MIR2052HG: variants seen among roughly 807,000 people sequenced by gnomAD.
MIR2052HG encodes the protein MIR2052 host gene.
chr8:74,624,996 C>T (rs13249135), intron 2 of MIR2052HG, among the ~76,000 whole-genome samples: 61,132 of 151,880 alleles, frequency 0.4, 13,260 homozygotes, highest in Middle Eastern at 0.61. Flanking sequence ...CCATATGGAT[C>T]CAGGAGTAAA....
intron 4 of MIR2052HG, among the ~76,000 whole-genome samples, chr8:74,732,871 AG>A (rs1489565725): frequency 6.6e-6 from 1 of 152,068 alleles, no homozygotes; most frequent in Non-Finnish European, 1.5e-5. Flanking sequence ...GGGGTTGAGG[AG>A]GTGGGTGAAG....
chr8:74,636,735 A>G (rs1808585718), intron 2 of MIR2052HG, among the ~76,000 whole-genome samples: 2 of 152,114 alleles, frequency 1.3e-5, no homozygotes, highest in Admixed American at 6.6e-5. Context: ...AGCACATTAA[A>G]TGCCTCTCCC....
intron 4 of MIR2052HG, among the ~76,000 whole-genome samples, chr8:74,704,015 A>G (rs1809383603): frequency 6.6e-6 from 1 of 151,970 alleles, no homozygotes; most frequent in Non-Finnish European, 1.5e-5. Flanking sequence ...TGTAAAAGGG[A>G]TATTTGAGTA....
intron 4 of MIR2052HG, among the ~76,000 whole-genome samples, chr8:74,751,126 G>A (rs565611355): frequency 6.6e-6 from 1 of 152,224 alleles, no homozygotes; most frequent in South Asian, 2.1e-4. Context: ...GGTCGTTTGC[G>A]GTCATGTGCA....
chr8:74,686,295 G>A (rs1030144325), intron 2 of MIR2052HG, among the ~76,000 whole-genome samples: 8 of 151,800 alleles, frequency 5.3e-5, no homozygotes, highest in Middle Eastern at 3.4e-3. Flanking sequence ...TCTTGACATC[G>A]ACTCTTTCTC....
chr8:74,600,987 T>G (rs1807992570), intron 1 of MIR2052HG, among the ~76,000 whole-genome samples: 1 of 152,206 alleles, frequency 6.6e-6, no homozygotes, highest in Admixed American at 6.5e-5. Context: ...CTTTGCTGCT[T>G]TACAAAAAGC....
intron 2 of MIR2052HG, among the ~76,000 whole-genome samples, chr8:74,685,403 C>T (rs1262779910): frequency 6.6e-6 from 1 of 152,046 alleles, no homozygotes; most frequent in Non-Finnish European, 1.5e-5. Context: ...CAGCTGGTTG[C>T]TTTATTTTCA....
chr8:74,606,929 A>G (rs1808119807), intron 1 of MIR2052HG, among the ~76,000 whole-genome samples: 2 of 152,196 alleles, frequency 1.3e-5, no homozygotes, highest in South Asian at 4.1e-4. Flanking sequence ...ATGAAATAAT[A>G]AAAAACCCTC....
chr8:74,626,990 A>G (rs765739569), intron 2 of MIR2052HG, among the ~76,000 whole-genome samples: 8 of 152,214 alleles, frequency 5.3e-5, no homozygotes, highest in Non-Finnish European at 8.8e-5. Flanking sequence ...GCCTTAAAAT[A>G]TTCTACTCTC....
chr8:74,666,473 T>C (rs1287878342), intron 2 of MIR2052HG, among the ~76,000 whole-genome samples: 1 of 152,200 alleles, frequency 6.6e-6, no homozygotes. Context: ...CTTTGTTTAT[T>C]TGTAGTCTGT....
rs559103323 is a variant in MIR2052HG at position 74,750,094 on chromosome 8, T to C, written n.372-2347T>C. On this transcript the variant is annotated intron_variant and non_coding_transcript_variant, in intron 4 of 6. Transcript: ENST00000523442. ...AACAAGCTTGTCAATGGTGACTATA[T>C]TGAAATGAAAAGTAATTGTTTCATT... 6.8e-4 allele frequency among the ~76,000 whole-genome samples: 103 copies of C among 152,288 alleles called. 1 individual carries two copies. The highest frequency in any genetic ancestry group is 2.3e-3 in the African/African-American group (95 of 41,564).
At chr8:74,679,063 C>T (rs1809087977) in intron 2 of MIR2052HG, among the ~76,000 whole-genome samples, 1 of 152,032 alleles carries the variant, frequency 6.6e-6, no homozygotes, top group Non-Finnish European at 1.5e-5. Context: ...CAAAACCTAC[C>T]AATGATGGAT....
At chr8:74,700,053 G>T (rs77185034) in intron 2 of MIR2052HG, among the ~76,000 whole-genome samples, 1 of 152,248 alleles carries the variant, frequency 6.6e-6, no homozygotes, top group African/African-American at 2.4e-5. Flanking sequence ...ATGCTATGAT[G>T]AAGGTAAAAT....
chr8:74,634,331 G>A (rs1808554998), intron 2 of MIR2052HG, among the ~76,000 whole-genome samples: 2 of 152,176 alleles, frequency 1.3e-5, no homozygotes, highest in African/African-American at 4.8e-5. Flanking sequence ...GAGACAACAA[G>A]GCAGAGGTTT....
At chr8:74,692,650 A>G (rs1399091051) in intron 2 of MIR2052HG, among the ~76,000 whole-genome samples, 1 of 152,162 alleles carries the variant, frequency 6.6e-6, no homozygotes, top group East Asian at 1.9e-4. Context: ...AGTTTCTCAA[A>G]GTTTGTTTTT....
chr8:74,603,750 G>T, intron 1 of MIR2052HG: 1 of 850,698 alleles, frequency 1.2e-6, no homozygotes, highest in African/African-American at 1.7e-5. Flanking sequence ...ACTCCAACAT[G>T]ACCACACAGA....
At chr8:74,707,443 A>G (rs1043402838) in intron 4 of MIR2052HG, among the ~76,000 whole-genome samples, 1 of 152,172 alleles carries the variant, frequency 6.6e-6, no homozygotes, top group Non-Finnish European at 1.5e-5. Context: ...AGAAAGCTAC[A>G]AAGTCAGACA....
chr8:74,681,535 A>T (rs1015759501), intron 2 of MIR2052HG, among the ~76,000 whole-genome samples: 10 of 152,182 alleles, frequency 6.6e-5, no homozygotes, highest in African/African-American at 2.4e-4. Context: ...ACTCGTGTTG[A>T]AATTTAATTG....
Position 74,673,910 on chromosome 8 carries a change from T to TATATATATATATATATAC in MIR2052HG, n.217-28468_217-28467insTATATATATATATATACA, listed in dbSNP as rs1485340799. On this transcript the variant is annotated intron_variant and non_coding_transcript_variant, in intron 2 of 6. Transcript: ENST00000523442. ...TTGTATATATATATATATATATATA[T>TATATATATATATATATAC]ACACACACAAAATATCTATCTATAT... Among the ~76,000 whole-genome samples, 63 of 133,212 alleles carry TATATATATATATATATAC rather than the reference T, an allele frequency of 4.7e-4. 1 individual carries two copies. Among genetic ancestry groups the TATATATATATATATATAC allele is most frequent in the African/African-American group, 2.0e-3 (58 of 29,516 alleles). 87.4% of individuals were successfully genotyped at this position (133,212 alleles called of 152,430 possible). A position where few individuals can be genotyped will look rare whatever the true frequency, so the allele number is the denominator to read the frequency against.
Sources: allele counts gnomAD v4.1 joint callset (sites outside exome capture counted in the v4.1 genomes callset), GRCh38; gene constraint gnomAD v4.1.1; transcripts MANE v1.5; gene names NCBI Gene and HGNC (gene_info 2026-07-23, HGNC 2026-07-21).